The following RGS7 variants were observed in gnomAD, a reference collection of about 807,000 sequenced individuals.
RGS7 encodes the protein regulator of G protein signaling 7.
In RGS7, 27 loss-of-function variants were observed where a neutral mutation model predicts 81.1. The ratio of observed to expected loss-of-function variants is 0.33; its 90% CI spans 0.25 to 0.46. The LOEUF is 0.46. Among genes scored for constraint, RGS7 ranks in the 20% least tolerant of loss-of-function variants. The pLI is 1.00. For missense variants in RGS7, 396 were observed against 607.4 expected (o/e 0.65, Z 3.66); for synonymous variants, 208 against 207.7 (o/e 1.00, Z -0.01).
intron 3 of RGS7, among the ~76,000 whole-genome samples, chr1:240,997,356 GC>G (rs1229089924): frequency 2.0e-5 from 3 of 152,098 alleles, no homozygotes; most frequent in Non-Finnish European, 2.9e-5. Context: ...ACTTATTATA[GC>G]CTTCCGGTGT....
At chr1:240,785,864 T>C (rs1684976585) in intron 18 of RGS7, among the ~76,000 whole-genome samples, 1 of 152,196 alleles carries the variant, frequency 6.6e-6, no homozygotes. Flanking sequence ...TAGTGAATAA[T>C]TTTTATAAAA....
chr1:240,805,299 G>A (rs913430102), intron 15 of RGS7, among the ~76,000 whole-genome samples: 12 of 152,138 alleles, frequency 7.9e-5, no homozygotes, highest in African/African-American at 2.9e-4. Flanking sequence ...TAGGAGGATT[G>A]CTTAAGCCTG....
chr1:240,836,686 C>T (rs1299673149), intron 9 of RGS7, among the ~76,000 whole-genome samples: 1 of 152,220 alleles, frequency 6.6e-6, no homozygotes, highest in Non-Finnish European at 1.5e-5. Context: ...ATGAAGATCA[C>T]GAATCAGAGC....
chr1:240,917,123 G>A (rs1572749999), intron 6 of RGS7, among the ~76,000 whole-genome samples: 2 of 152,072 alleles, frequency 1.3e-5, no homozygotes, highest in Admixed American at 1.3e-4. Flanking sequence ...AGTCTCTAAA[G>A]AAAAAACCCA....
rs562874756 is a variant in RGS7 at position 241,323,364 on chromosome 1, G to A, written c.78+32335C>T. ...TCTACTTCCTTTAAGCTAGAGAGGC[G>A]CCTGTCAGCGCCTGTGGAGGCCTAA... On this transcript the variant is annotated intron_variant, in intron 2 of 18. Coordinates refer to ENST00000440928, the MANE Select transcript of RGS7 (RefSeq NM_001364886.1). 3.9e-5 allele frequency among the ~76,000 whole-genome samples: 6 copies of A among 152,320 alleles called. No homozygotes were observed. The South Asian group carries it at 6.2e-4, about 16-fold the overall frequency.
intron 2 of RGS7, among the ~76,000 whole-genome samples, chr1:241,344,597 A>G (rs1167708681): frequency 6.6e-6 from 1 of 152,266 alleles, no homozygotes; most frequent in Non-Finnish European, 1.5e-5. Flanking sequence ...CAAGCCCTTC[A>G]GCTTAACAAG....
At chr1:240,865,098 T>C (rs902052080) in intron 9 of RGS7, among the ~76,000 whole-genome samples, 1 of 152,194 alleles carries the variant, frequency 6.6e-6, no homozygotes, top group Non-Finnish European at 1.5e-5. Flanking sequence ...TCATTTAATG[T>C]TCAACTAACA....
intron 2 of RGS7, among the ~76,000 whole-genome samples, chr1:241,222,854 C>T (rs1031158034): frequency 2.7e-5 from 4 of 150,584 alleles, no homozygotes; most frequent in African/African-American, 9.8e-5. Flanking sequence ...GTGATGTTCC[C>T]CTCCCTATGT....
intron 2 of RGS7, among the ~76,000 whole-genome samples, chr1:241,294,025 C>G (rs991739644): frequency 7.2e-5 from 11 of 152,116 alleles, no homozygotes; most frequent in Admixed American, 3.9e-4. Context: ...CCATAGCAAA[C>G]ACTTGGAAGC....
intron 2 of RGS7, among the ~76,000 whole-genome samples, chr1:241,274,684 C>T (rs1030872587): frequency 6.6e-6 from 1 of 152,122 alleles, no homozygotes; most frequent in Non-Finnish European, 1.5e-5. Flanking sequence ...TCACTATTCA[C>T]GACTTTTCCA....
intron 3 of RGS7, among the ~76,000 whole-genome samples, chr1:241,001,099 T>C (rs1352195028): frequency 6.6e-6 from 1 of 152,150 alleles, no homozygotes; most frequent in African/African-American, 2.4e-5. Context: ...TACAATATTA[T>C]GGGAATAATT....
At chr1:241,232,107 A>G (rs1163799673) in intron 2 of RGS7, among the ~76,000 whole-genome samples, 2 of 152,180 alleles carry the variant, frequency 1.3e-5, no homozygotes, top group Non-Finnish European at 2.9e-5. Context: ...AATTGCCTTT[A>G]CACCTATGTT....
At position 241,337,446 on chromosome 1, in the gene RGS7, C is replaced by T. The variant is rs371250637; in HGVS notation, c.78+18253G>A. On this transcript the variant is annotated intron_variant, in intron 2 of 18. Coordinates refer to ENST00000440928, the MANE Select transcript of RGS7 (RefSeq NM_001364886.1). Reference sequence around the variant, plus strand: ...AATCACTGCAGTCTAACATGGAAGCCCCACTGGTTCCTGCACAATTTTTCT... The same window carrying T: ...AATCACTGCAGTCTAACATGGAAGCTCCACTGGTTCCTGCACAATTTTTCT... 4.6e-5 allele frequency among the ~76,000 whole-genome samples: 7 copies of T among 152,132 alleles called. No individual in the cohort carries two copies. In the East Asian group the frequency reaches 1.2e-3, roughly 25 times the overall value.
chr1:240,861,900 G>T (rs564807408), intron 9 of RGS7, among the ~76,000 whole-genome samples: 1 of 152,196 alleles, frequency 6.6e-6, no homozygotes, highest in African/African-American at 2.4e-5. Flanking sequence ...AAGTTTCACT[G>T]CAATTTAGCT....
At position 241,271,168 on chromosome 1, in the gene RGS7, C is replaced by A. The variant is rs10926448; in HGVS notation, c.78+84531G>T. Among the ~76,000 whole-genome samples the A allele has an allele frequency of 0.14, 21,492 of 152,040 alleles. 1,851 individuals carry two copies. Among genetic ancestry groups the A allele is most frequent in the Admixed American group, 0.19 (2,831 of 15,282 alleles). ...TTGGCGGGAACTTACGTGGCTAAAACGTCTCCTTTATAATGTGGAGCTAAA... is the reference window on the plus strand; with the variant it reads ...TTGGCGGGAACTTACGTGGCTAAAAAGTCTCCTTTATAATGTGGAGCTAAA... On this transcript the variant is annotated intron_variant, in intron 2 of 18. Coordinates refer to ENST00000440928, the MANE Select transcript of RGS7 (RefSeq NM_001364886.1). This position sits in a 1 kb window ranked among gnomAD's most constrained non-coding sequence, Gnocchi z 4.6.
At chr1:240,957,761 TG>T (rs1278422218) in intron 4 of RGS7, among the ~76,000 whole-genome samples, 4 of 152,168 alleles carry the variant, frequency 2.6e-5, no homozygotes, top group African/African-American at 7.2e-5. Context: ...TGAGGGAAAC[TG>T]GGGGGTGGGA....
rs998475863 is a variant in RGS7, at chr1:240,812,495, C to T, written c.957-452G>A. ...TGTCACCCAGGTTGGAGTGCAATGG[C>T]GTGATCTCGGCTCACTGCAACCTCC... is the stretch of plus-strand genomic sequence containing the variant. On this transcript the variant is annotated intron_variant, in intron 13 of 18. Transcript: ENST00000440928. Among the ~76,000 whole-genome samples, 6 of 149,514 alleles carry T rather than the reference C, an allele frequency of 4.0e-5. No individual in the cohort carries two copies. The South Asian group carries it at 1.1e-3, about 26-fold the overall frequency.
At chr1:241,139,612 T>C (rs988773420) in intron 2 of RGS7, among the ~76,000 whole-genome samples, 1 of 152,204 alleles carries the variant, frequency 6.6e-6, no homozygotes, top group Non-Finnish European at 1.5e-5. Context: ...CCACCTTATA[T>C]TCCCATCAGC....
Position 240,776,151 on chromosome 1 carries a change from A to C in RGS7, c.*69T>G. 1 of 1,603,758 alleles carries C rather than the reference A, an allele frequency of 6.2e-7. No homozygotes were observed. The highest frequency in any genetic ancestry group is 8.5e-7 in the Non-Finnish European group (1 of 1,170,550). On this transcript the variant is annotated 3_prime_UTR_variant, in exon 19 of 19. Transcript: ENST00000440928. ...TGACTCCAGTCTGCATTCATGCTACAAGATGATCCGTTTAGTAAGACTGAG... is the reference window on the plus strand; with the variant it reads ...TGACTCCAGTCTGCATTCATGCTACCAGATGATCCGTTTAGTAAGACTGAG...
Sources: allele counts gnomAD v4.1 joint callset (sites outside exome capture counted in the v4.1 genomes callset), GRCh38; gene constraint gnomAD v4.1.1; non-coding constraint Gnocchi (gnomAD v3.1); transcripts MANE v1.5; gene names NCBI Gene and HGNC (gene_info 2026-07-23, HGNC 2026-07-21).